Variants in KDM3A observed in about 807,000 individuals in gnomAD.
KDM3A encodes the protein lysine-specific demethylase 3A.
KDM3A carries 60 observed loss-of-function variants against 158.0 expected under a neutral mutation model. The observed-to-expected ratio is 0.38, with a 90% CI of 0.31 to 0.47. KDM3A has a LOEUF of 0.47. Among genes scored for constraint, KDM3A ranks in the 20% least tolerant of loss-of-function variants. KDM3A has a pLI of 0.99. For synonymous variants in KDM3A, 608 were observed against 549.3 expected (o/e 1.11, Z -1.49); for missense variants, 1,319 against 1,574.3 (o/e 0.84, Z 2.74).
Position 86,489,226 on chromosome 2 carries a change from A to G in KDM3A, c.3314-92A>G, listed in dbSNP as rs1674337029. 16 of 1,399,086 alleles carry G rather than the reference A, an allele frequency of 1.1e-5. 1 individual carries two copies. The South Asian group carries it at 2.2e-4, about 19-fold the overall frequency. The allele number at this position is 1,399,086 out of a possible 1,614,324, so 86.7% of individuals were successfully genotyped here. A position where few individuals can be genotyped will look rare whatever the true frequency, so the allele number is the denominator to read the frequency against. On this transcript the variant is annotated intron_variant, in intron 21 of 25. Coordinates refer to ENST00000312912, the MANE Select transcript of KDM3A (RefSeq NM_018433.6). ...ATTTTTATTCTCAGCAGAAGAGTCAATCAGGGACCTACCATCCCCCAGGTA... is the reference window on the plus strand; with the variant it reads ...ATTTTTATTCTCAGCAGAAGAGTCAGTCAGGGACCTACCATCCCCCAGGTA...
At position 86,455,135 on chromosome 2, in the gene KDM3A, A is replaced by G; in HGVS notation, c.504A>G (p.Lys168=). ...TTACGGATAATCAGATTGTCAGTAA[A>G]GAATTTCAAGCTTTGATTGTGAAGC... is the stretch of plus-strand genomic sequence containing the variant. ...LSLTDNQIVS[K]EFQALIVKHL... Residue 168 remains lysine (K), a synonymous_variant, in exon 5 of 26, where the codon AAA becomes AAG. Coordinates refer to ENST00000312912, the MANE Select transcript of KDM3A (RefSeq NM_018433.6). The G allele has an allele frequency of 6.2e-7, 1 of 1,607,366 alleles. No homozygotes were observed. The highest frequency in any genetic ancestry group is 8.5e-7 in the Non-Finnish European group (1 of 1,177,312).
At chr2:86,461,201 A>G (rs1672914177) in intron 8 of KDM3A, among the ~76,000 whole-genome samples, 1 of 152,186 alleles carries the variant, frequency 6.6e-6, no homozygotes, top group Non-Finnish European at 1.5e-5. Context: ...AGTACTCTTC[A>G]TCACTGTGCT....
chr2:86,470,415 C>T lies in KDM3A; in HGVS notation c.1724+7C>T, dbSNP rs1673349879. ...GCTTCTTTCACTTCAGGAGGTGAGG[C>T]ATTTTGGGAAAAGTTCAGATAATCT... is the stretch of plus-strand genomic sequence containing the variant. On this transcript the variant is annotated splice_region_variant and intron_variant, in intron 11 of 25. Transcript: ENST00000312912. 6.2e-7 allele frequency: 1 copy of T among 1,612,694 alleles called. No individual in the cohort carries two copies. The highest frequency in any genetic ancestry group is 1.3e-5 in the African/African-American group (1 of 74,858).
intron 4 of KDM3A, 117 bp downstream of exon 4, chr2:86,451,330 C>A: frequency 1.7e-6 from 1 of 572,232 alleles, no homozygotes; most frequent in Non-Finnish European, 3.0e-6. Flanking sequence ...CTACTCCTTG[C>A]ACAGTAAAAC....
At position 86,456,913 on chromosome 2, in the gene KDM3A, T is replaced by G. The variant is rs775189285; in HGVS notation, c.754+36T>G. ...TTATTAAAATCTTTCTTCTCCTTCC[T>G]CCTTTCCTCCGTTCTTCTCACATTA... On this transcript the variant is annotated intron_variant, in intron 7 of 25. Transcript: ENST00000312912. 23 of 1,571,980 alleles carry G rather than the reference T, an allele frequency of 1.5e-5. No individual in the cohort carries two copies. The African/African-American group carries it at 2.8e-4, about 19-fold the overall frequency.
chr2:86,466,797 C>T lies in KDM3A; in HGVS notation c.1433C>T (p.Ala478Val), dbSNP rs1400664385. 2 of 1,613,376 alleles carry T rather than the reference C, an allele frequency of 1.2e-6. No homozygotes were observed. The highest frequency in any genetic ancestry group is 1.7e-6 in the Non-Finnish European group (2 of 1,179,600). ...SGKKVEPSALACRSQNLKESS... is the reference protein window; with the variant it reads ...SGKKVEPSALVCRSQNLKESS... ...AAAAAGGTAGAACCTTCAGCTTTAGCTTGCCGATCACAGAATTTAAAGGAA... is the reference window on the plus strand; with the variant it reads ...AAAAAGGTAGAACCTTCAGCTTTAGTTTGCCGATCACAGAATTTAAAGGAA... The change falls in exon 10 of 26, where the codon GCT becomes GTT. Residue 478 changes from alanine (A) to valine (V), a missense_variant. Ala to Val is a moderately conservative substitution (Grantham distance 64). Transcript: ENST00000312912.
intron 2 of KDM3A, among the ~76,000 whole-genome samples, chr2:86,447,456 C>CTTT (rs150625957): frequency 1.3e-4 from 18 of 134,662 alleles, no homozygotes; most frequent in African/African-American, 4.3e-4. Context: ...TAATTCTGCA[C>CTTT]TTTTTTTTTT....
At chr2:86,489,198 A>G in intron 21 of KDM3A, 120 bp from the exon 22 acceptor site, 2 of 1,169,032 alleles carry the variant, frequency 1.7e-6, no homozygotes, top group Non-Finnish European at 2.4e-6. Context: ...AATTTGATCC[A>G]GAATTTTTAT....
chr2:86,472,099 A>G (rs1223843065), intron 11 of KDM3A, among the ~76,000 whole-genome samples: 1 of 152,030 alleles, frequency 6.6e-6, no homozygotes, highest in African/African-American at 2.4e-5. Flanking sequence ...TTTAAGTTGC[A>G]AAGGCATTTT....
intron 10 of KDM3A, among the ~76,000 whole-genome samples, 180 bp downstream of exon 10, chr2:86,467,063 T>C (rs1485247278): frequency 6.6e-6 from 1 of 152,214 alleles, no homozygotes; most frequent in Non-Finnish European, 1.5e-5. Context: ...AATATTTTGG[T>C]GTACCTGGTT....
intron 2 of KDM3A, among the ~76,000 whole-genome samples, chr2:86,442,960 A>G (rs189332201): frequency 2.0e-5 from 3 of 152,282 alleles, no homozygotes; most frequent in Admixed American, 1.3e-4. Flanking sequence ...TTTTTAAATC[A>G]TTATGACACT....
chr2:86,482,182 G>A lies in KDM3A; in HGVS notation c.2685+80G>A, dbSNP rs377248567. On this transcript the variant is annotated intron_variant, in intron 17 of 25. Coordinates refer to ENST00000312912, the MANE Select transcript of KDM3A (RefSeq NM_018433.6). ...GAGAGTAGAGAAGTTGGAACTGAAA[G>A]TAGAAAGGAGACTGAATCACATACT... is the stretch of plus-strand genomic sequence containing the variant. The A allele has an allele frequency of 9.2e-5, 134 of 1,453,898 alleles. No homozygotes were observed. The East Asian group carries it at 9.3e-4, about 10-fold the overall frequency. 90.1% of individuals were successfully genotyped at this position (1,453,898 alleles called of 1,614,324 possible).
rs1389463035 is a variant in KDM3A, at chr2:86,483,995, G to T, written c.2931G>T (p.Met977Ile). The change falls in exon 19 of 26, where the codon ATG becomes ATT. Residue 977 changes from methionine (M) to isoleucine (I), a missense_variant. By Grantham distance (10) the Met-to-Ile change is conservative. This residue lies in a region of KDM3A where 368 missense variants were observed against 415.8 expected (regional missense o/e 0.89). Coordinates refer to ENST00000312912, the MANE Select transcript of KDM3A (RefSeq NM_018433.6). ...RECWKQGQPV[M>I]VSGVHHKLNS... Reference sequence around the variant, plus strand: ...TCCTTCTCTTCATTTAGCCAGTGATGGTGTCTGGAGTGCATCATAAATTGA... The same window carrying T: ...TCCTTCTCTTCATTTAGCCAGTGATTGTGTCTGGAGTGCATCATAAATTGA... 2.5e-6 allele frequency: 4 copies of T among 1,610,194 alleles called. No homozygotes were observed. The East Asian group carries it at 8.9e-5, about 36-fold the overall frequency.
At chr2:86,470,103 C>T (rs756178741) in intron 10 of KDM3A, 101 bp from the exon 11 acceptor site, 3 of 899,838 alleles carry the variant, frequency 3.3e-6, no homozygotes, top group Non-Finnish European at 5.2e-6. Flanking sequence ...GAAGGGAGTT[C>T]TCTTTAAGGG....
intron 11 of KDM3A, among the ~76,000 whole-genome samples, chr2:86,472,617 T>G (rs1297183858): frequency 6.6e-6 from 1 of 152,222 alleles, no homozygotes; most frequent in African/African-American, 2.4e-5. Flanking sequence ...AATTTGCGTG[T>G]GTTAGGTAAC....
intron 19 of KDM3A, 61 bp downstream of exon 19, chr2:86,484,219 C>T: frequency 6.8e-7 from 1 of 1,469,164 alleles, no homozygotes; most frequent in Non-Finnish European, 9.3e-7. Context: ...ACAGGAATGG[C>T]AGGAGTCTGA....
chr2:86,475,021 C>T (rs1314651365), intron 12 of KDM3A, 31 bp downstream of exon 12: 38 of 1,564,472 alleles, frequency 2.4e-5, no homozygotes, highest in Non-Finnish European at 3.2e-5. Context: ...GTAGGATTTT[C>T]GAGCCCAATT....
chr2:86,466,383 A>C lies in KDM3A; in HGVS notation c.1019A>C (p.Gln340Pro), dbSNP rs1310087227. ...GAKIPQGCHK[Q>P]SLPEEISSCL... ...ATTATATTTTTCAGATGTCATAAAC[A>C]AAGTTTACCAGAGGAAATTTCTTCC... Residue 340 changes from glutamine (Q) to proline (P), a missense_variant, in exon 10 of 26, where the codon CAA becomes CCA. This residue lies in a region of KDM3A where 652 missense variants were observed against 627.2 expected (regional missense o/e 1.04). Transcript: ENST00000312912. 1.9e-6 allele frequency: 3 copies of C among 1,608,110 alleles called. No homozygotes were observed. The highest frequency in any genetic ancestry group is 2.7e-5 in the African/African-American group (2 of 74,362).
rs748708614 is a variant in KDM3A, at chr2:86,457,014, C to G, written c.786C>G (p.Arg262=). The change falls in exon 8 of 26, where the codon CGC becomes CGG. Residue 262 remains arginine (R), a synonymous_variant. Coordinates refer to ENST00000312912, the MANE Select transcript of KDM3A (RefSeq NM_018433.6). The part of the protein sequence containing the change: ...GNSARIGAVK[R]KSSENNGTLV... ...CTGCAAGAATTGGAGCTGTAAAACG[C>G]AAGTCTTCTGAGAATAATGGAACCC... is the stretch of plus-strand genomic sequence containing the variant. 1 of 1,603,572 alleles carries G rather than the reference C, an allele frequency of 6.2e-7. No homozygotes were observed. The highest frequency in any genetic ancestry group is 8.5e-7 in the Non-Finnish European group (1 of 1,173,818).
Sources: allele counts gnomAD v4.1 joint callset (sites outside exome capture counted in the v4.1 genomes callset), GRCh38; gene constraint gnomAD v4.1.1; regional missense constraint gnomAD v4.1.1; transcripts MANE v1.5; gene names NCBI Gene and HGNC (gene_info 2026-07-23, HGNC 2026-07-21).